Variants in BNC2 observed in about 807,000 individuals in gnomAD.
BNC2 encodes basonuclin zinc finger protein 2.
Under a neutral mutation model 76.3 loss-of-function variants are expected in BNC2, and 20 were observed. The observed-to-expected ratio is 0.26, with a 90% CI of 0.18 to 0.38. The LOEUF is 0.38. BNC2 is among the 10% of genes least tolerant of loss of function. The pLI is 1.00. For synonymous variants in BNC2, 582 were observed against 514.8 expected, an observed-to-expected ratio of 1.13 and a Z score of -1.77; for missense variants, 1,382 against 1,399.8, an observed-to-expected ratio of 0.99 and a Z score of 0.20.
intron 5 of BNC2, among the ~76,000 whole-genome samples, chr9:16,516,965 T>C (rs1300933783): frequency 6.6e-6 from 1 of 152,188 alleles, no homozygotes; most frequent in African/African-American, 2.4e-5. Flanking sequence ...ACAACCAATG[T>C]TTAAGAAATC....
rs746554158 is a variant in BNC2 at position 16,436,114 on chromosome 9, G to A, written c.2080C>T (p.His694Tyr). 6.2e-7 allele frequency: 1 copy of A among 1,614,130 alleles called. No individual in the cohort carries two copies. Among genetic ancestry groups the A allele is most frequent in the South Asian group, 1.1e-5 (1 of 91,064 alleles). The change falls in exon 6 of 7, where the codon CAT becomes TAT. Residue 694 changes from histidine (H) to tyrosine (Y), a missense_variant. Physicochemically the swap from His to Tyr is moderately conservative, Grantham distance 83. Coordinates refer to ENST00000380672, the MANE Select transcript of BNC2 (RefSeq NM_017637.6). The part of the protein sequence containing the change: ...PGMSVKDFSK[H>Y]NRTRCISRTE... ...CTTGAAATGCACCGGGTCCTGTTATGCTTAGAAAAGTCCTTCACAGACATG... is the reference window on the plus strand; with the variant it reads ...CTTGAAATGCACCGGGTCCTGTTATACTTAGAAAAGTCCTTCACAGACATG...
chr9:16,554,282 T>C (rs781112155), intron 4 of BNC2, among the ~76,000 whole-genome samples: 7 of 152,218 alleles, frequency 4.6e-5, no homozygotes, highest in Non-Finnish European at 8.8e-5. Context: ...ATTTCATATG[T>C]ATTTTTTCAG....
At chr9:16,713,086 T>C (rs148511169) in intron 3 of BNC2, among the ~76,000 whole-genome samples, 218 of 152,322 alleles carry the variant, frequency 1.4e-3, no homozygotes, top group African/African-American at 5.0e-3. Flanking sequence ...GAGCATTCCA[T>C]GGTGGGAAAT....
At chr9:16,832,611 A>G (rs867165548) in intron 1 of BNC2, among the ~76,000 whole-genome samples, 1 of 152,244 alleles carries the variant, frequency 6.6e-6, no homozygotes, top group Non-Finnish European at 1.5e-5. Flanking sequence ...AAGACAAAAC[A>G]TACAGCACGT....
chr9:16,567,785 T>C (rs1248627992), intron 4 of BNC2, among the ~76,000 whole-genome samples: 2 of 152,184 alleles, frequency 1.3e-5, no homozygotes, highest in Non-Finnish European at 2.9e-5. Flanking sequence ...TTTCAGGTCC[T>C]GAGGTCCAGT....
chr9:16,630,887 G>A (rs953405084), intron 3 of BNC2, among the ~76,000 whole-genome samples: 7 of 151,876 alleles, frequency 4.6e-5, no homozygotes, highest in Non-Finnish European at 1.0e-4. Context: ...TTACAGGCAT[G>A]CGCCACCACG....
chr9:16,762,613 A>G (rs1825584234), intron 1 of BNC2, among the ~76,000 whole-genome samples: 1 of 152,110 alleles, frequency 6.6e-6, no homozygotes. Flanking sequence ...TCAATTTTCT[A>G]TTTTCATTTT....
chr9:16,571,573 T>C (rs1819324530), intron 4 of BNC2, among the ~76,000 whole-genome samples: 1 of 152,160 alleles, frequency 6.6e-6, no homozygotes, highest in Admixed American at 6.6e-5. Context: ...ACACACTGCC[T>C]CTTCAGTTAA....
At chr9:16,524,316 C>T (rs573430088) in intron 5 of BNC2, among the ~76,000 whole-genome samples, 5 of 152,246 alleles carry the variant, frequency 3.3e-5, no homozygotes, top group African/African-American at 1.2e-4. Context: ...GGCTTCAGCT[C>T]AGGTCTCTCA....
At chr9:16,597,639 C>T (rs1820129728) in intron 3 of BNC2, among the ~76,000 whole-genome samples, 1 of 151,940 alleles carries the variant, frequency 6.6e-6, no homozygotes, top group East Asian at 1.9e-4. Context: ...GAAAAGTGTC[C>T]TTTAACTCTG....
At chr9:16,694,787 T>A (rs762141861) in intron 3 of BNC2, among the ~76,000 whole-genome samples, 69 of 151,584 alleles carry the variant, frequency 4.6e-4, no homozygotes, top group Non-Finnish European at 9.4e-4. Flanking sequence ...TACTACACAA[T>A]CCCCCCTCCA....
At chr9:16,762,720 C>T (rs542111853) in intron 1 of BNC2, among the ~76,000 whole-genome samples, 6 of 152,262 alleles carry the variant, frequency 3.9e-5, no homozygotes, top group South Asian at 4.2e-4. Context: ...ATAACCTGAC[C>T]GCTTAAGGTC....
At chr9:16,476,711 A>G (rs1335804352) in intron 5 of BNC2, among the ~76,000 whole-genome samples, 2 of 152,170 alleles carry the variant, frequency 1.3e-5, no homozygotes, top group African/African-American at 4.8e-5. Flanking sequence ...TAGGCACCCA[A>G]AAAATACATG....
chr9:16,702,286 T>G (rs1823537279), intron 3 of BNC2, among the ~76,000 whole-genome samples: 1 of 152,086 alleles, frequency 6.6e-6, no homozygotes, highest in African/African-American at 2.4e-5. Context: ...CAAAATCAAG[T>G]TTCAAGATCC....
At chr9:16,640,962 A>C (rs1450759689) in intron 3 of BNC2, among the ~76,000 whole-genome samples, 1 of 152,182 alleles carries the variant, frequency 6.6e-6, no homozygotes, top group Non-Finnish European at 1.5e-5. Flanking sequence ...CTCTAGAAAG[A>C]GTTAAGACAC....
intron 1 of BNC2, among the ~76,000 whole-genome samples, chr9:16,803,359 C>A (rs1334113242): frequency 6.6e-6 from 1 of 152,168 alleles, no homozygotes; most frequent in African/African-American, 2.4e-5. Context: ...ATTTATAATA[C>A]GTACCTCTGC....
chr9:16,850,793 G>A (rs898949720), intron 1 of BNC2, among the ~76,000 whole-genome samples: 11 of 133,266 alleles, frequency 8.3e-5, no homozygotes, highest in Admixed American at 2.4e-4. Context: ...GGGAGACTCT[G>A]CTTCTAAAAA....
At chr9:16,855,689 G>A (rs980818652) in intron 1 of BNC2, among the ~76,000 whole-genome samples, 13 of 150,536 alleles carry the variant, frequency 8.6e-5, no homozygotes, top group African/African-American at 3.2e-4. Context: ...AGGCGCCCGC[G>A]ACCACGCCCG....
At chr9:16,507,775 T>A (rs1407209872) in intron 5 of BNC2, among the ~76,000 whole-genome samples, 1 of 152,100 alleles carries the variant, frequency 6.6e-6, no homozygotes, top group Non-Finnish European at 1.5e-5. Flanking sequence ...ATATAGTAGG[T>A]CCATAATAAA....
Sources: gnomAD v4.1 joint callset for allele counts (sites outside exome capture counted in the v4.1 genomes callset) on GRCh38, gnomAD v4.1.1 for gene constraint, MANE v1.5 for transcripts, NCBI Gene and HGNC (gene_info 2026-07-23, HGNC 2026-07-21) for gene names.